The following OSBPL3 variants were observed in gnomAD, a reference collection of about 807,000 sequenced individuals.
OSBPL3 encodes the protein oxysterol binding protein like 3.
Under a neutral mutation model 120.1 loss-of-function variants are expected in OSBPL3, and 65 were observed. That is an observed-to-expected ratio of 0.54 (90% CI 0.44 to 0.67). The LOEUF is 0.67. OSBPL3 is among the 30% of genes least tolerant of loss of function. The pLI is 0.00. For synonymous variants in OSBPL3, 416 were observed against 402.6 expected (o/e 1.03, Z -0.40); for missense variants, 1,004 against 1,082.1 (o/e 0.93, Z 1.01).
rs1003694172 is a variant in OSBPL3 at position 24,820,625 on chromosome 7, T to C, written c.1885-387A>G. On this transcript the variant is annotated intron_variant, in intron 16 of 22. Coordinates refer to ENST00000313367, the MANE Select transcript of OSBPL3 (RefSeq NM_015550.4). This position sits in a 1 kb window ranked among gnomAD's most constrained non-coding sequence, Gnocchi z 4.6. ...CAATGTCAACATCTCTTATTAGCTG[T>C]TCTGAAAGTAGCTGCAGATGTTTTA... Among the ~76,000 whole-genome samples the C allele has an allele frequency of 6.6e-6, 1 of 152,230 alleles. No individual in the cohort carries two copies. Among genetic ancestry groups the C allele is most frequent in the African/African-American group, 2.4e-5 (1 of 41,466 alleles).
chr7:24,865,216 C>T, intron 7 of OSBPL3, 126 bp downstream of exon 7: 1 of 1,011,604 alleles, frequency 9.9e-7, no homozygotes, highest in Non-Finnish European at 1.5e-6. Context: ...GCAACCTTTA[C>T]AAGCAAAATA....
At chr7:24,814,338 G>A (rs1226248142) in intron 19 of OSBPL3, among the ~76,000 whole-genome samples, 1 of 152,086 alleles carries the variant, frequency 6.6e-6, no homozygotes, top group Non-Finnish European at 1.5e-5. Context: ...GTGAAAGGGT[G>A]GAGATGGGGA....
In OSBPL3 at chr7:24,952,274, A is replaced by G. The variant is rs1408880591; in HGVS notation, c.-150+27612T>C. Among the ~76,000 whole-genome samples the G allele has an allele frequency of 6.6e-6, 1 of 152,224 alleles. No individual in the cohort carries two copies. The highest frequency in any genetic ancestry group is 1.5e-5 in the Non-Finnish European group (1 of 68,040). ...CTAAACAGAATTAAGAAAAAAAATT[A>G]AGAAGCTAAGCACAACATAAATAGT... is the stretch of plus-strand genomic sequence containing the variant. On this transcript the variant is annotated intron_variant, in intron 1 of 22. Transcript: ENST00000313367. The surrounding 1 kb of genome is among the most constrained non-coding windows in gnomAD (Gnocchi z 4.4).
intron 1 of OSBPL3, among the ~76,000 whole-genome samples, chr7:24,979,600 C>T (rs1388224325): frequency 1.3e-5 from 2 of 152,092 alleles, no homozygotes; most frequent in Admixed American, 6.5e-5. Flanking sequence ...TGCGCCGCGG[C>T]CCCTGCGCTC....
Position 24,964,733 on chromosome 7 carries a change from G to T in OSBPL3, c.-150+15153C>A, listed in dbSNP as rs1563017822. On this transcript the variant is annotated intron_variant, in intron 1 of 22. Coordinates refer to ENST00000313367, the MANE Select transcript of OSBPL3 (RefSeq NM_015550.4). This position sits in a 1 kb window ranked among gnomAD's most constrained non-coding sequence, Gnocchi z 4.2. ...GCAACAGTACTGGTCTATTAATTGT[G>T]ACAAAAGTATACTAAGGTAAGATAT... Among the ~76,000 whole-genome samples the T allele has an allele frequency of 6.6e-6, 1 of 152,190 alleles. No individual in the cohort carries two copies. Among genetic ancestry groups the T allele is most frequent in the East Asian group, 1.9e-4 (1 of 5,202 alleles).
intron 1 of OSBPL3, among the ~76,000 whole-genome samples, chr7:24,976,594 A>G (rs1563029897): frequency 6.6e-6 from 1 of 152,200 alleles, no homozygotes; most frequent in African/African-American, 2.4e-5. Context: ...GTGTAAATTT[A>G]GACAGGAAAG....
chr7:24,810,059 T>A, intron 19 of OSBPL3, 108 bp from the exon 20 acceptor site: 1 of 1,158,724 alleles, frequency 8.6e-7, no homozygotes, highest in Non-Finnish European at 1.2e-6. Flanking sequence ...AGTGGCTCCA[T>A]ACTGCATATT....
intron 1 of OSBPL3, among the ~76,000 whole-genome samples, chr7:24,905,549 G>A (rs1215160171): frequency 6.6e-6 from 1 of 152,150 alleles, no homozygotes; most frequent in Non-Finnish European, 1.5e-5. Context: ...AACTAGTGAA[G>A]AGCTTTTACA....
Position 24,936,301 on chromosome 7 carries a change from T to G in OSBPL3, c.-150+43585A>C, listed in dbSNP as rs1812415781. Among the ~76,000 whole-genome samples the G allele has an allele frequency of 6.6e-6, 1 of 152,174 alleles. No homozygotes were observed. ...TGTTACTTAGGGCTAACTTTTCCTC[T>G]CACAATCCACAAACATGAATACGTT... On this transcript the variant is annotated intron_variant, in intron 1 of 22. Transcript: ENST00000313367. This position sits in a 1 kb window ranked among gnomAD's most constrained non-coding sequence, Gnocchi z 4.2.
chr7:24,939,506 CA>C lies in OSBPL3; in HGVS notation c.-150+40379del, dbSNP rs1353421443. Among the ~76,000 whole-genome samples, 1 of 152,082 alleles carries C rather than the reference CA, an allele frequency of 6.6e-6. No homozygotes were observed. Among genetic ancestry groups the C allele is most frequent in the African/African-American group, 2.4e-5 (1 of 41,414 alleles). On this transcript the variant is annotated intron_variant, in intron 1 of 22. Transcript: ENST00000313367. This position sits in a 1 kb window ranked among gnomAD's most constrained non-coding sequence, Gnocchi z 4.2. ...GGAACTCTAGGGAAAGTTTGGGAAA[CA>C]AAAAGTTAACATGTTGCATGTTTTA...
intron 7 of OSBPL3, among the ~76,000 whole-genome samples, chr7:24,864,724 G>A (rs186870097): frequency 2.0e-5 from 3 of 152,094 alleles, no homozygotes; most frequent in Non-Finnish European, 2.9e-5. Context: ...TCCCAGTCCC[G>A]CTGTGGATCT....
Position 24,835,507 on chromosome 7 carries a change from A to G in OSBPL3, c.1496-771T>C, listed in dbSNP as rs979704819. On this transcript the variant is annotated intron_variant, in intron 14 of 22. Coordinates refer to ENST00000313367, the MANE Select transcript of OSBPL3 (RefSeq NM_015550.4). This position sits in a 1 kb window ranked among gnomAD's most constrained non-coding sequence, Gnocchi z 4.8. ...AGCCATTGTGGAAAGCAGTTTGGCA[A>G]TTTCTCAAAGAACTTAAAACAGAAC... Among the ~76,000 whole-genome samples, 3 of 152,148 alleles carry G rather than the reference A, an allele frequency of 2.0e-5. No individual in the cohort carries two copies. The highest frequency in any genetic ancestry group is 7.2e-5 in the African/African-American group (3 of 41,428).
At position 24,834,321 on chromosome 7, in the gene OSBPL3, C is replaced by G; in HGVS notation, c.1746+165G>C. 1 of 1,463,292 alleles carries G rather than the reference C, an allele frequency of 6.8e-7. No individual in the cohort carries two copies. The highest frequency in any genetic ancestry group is 1.5e-5 in the South Asian group (1 of 66,004). The allele number at this position is 1,463,292 out of a possible 1,614,324, so 90.6% of individuals were successfully genotyped here. A position where few individuals can be genotyped will look rare whatever the true frequency, so the allele number is the denominator to read the frequency against. ...CAAATCCTCACAAGGTGACTGGAAA[C>G]AGCCAGGCGGAGGAAGCCAGACAGC... On this transcript the variant is annotated intron_variant, in intron 15 of 22. Coordinates refer to ENST00000313367, the MANE Select transcript of OSBPL3 (RefSeq NM_015550.4). This position sits in a 1 kb window ranked among gnomAD's most constrained non-coding sequence, Gnocchi z 5.2.
intron 1 of OSBPL3, among the ~76,000 whole-genome samples, chr7:24,958,205 C>A (rs1815299750): frequency 6.6e-6 from 1 of 152,082 alleles, no homozygotes; most frequent in African/African-American, 2.4e-5. Context: ...AAATGAAGAC[C>A]ATTTCTCCAC....
chr7:24,847,490 C>T (rs1383225745), intron 12 of OSBPL3, among the ~76,000 whole-genome samples: 1 of 152,160 alleles, frequency 6.6e-6, no homozygotes, highest in Non-Finnish European at 1.5e-5. Flanking sequence ...AGCATTTCAG[C>T]TTTCAGGTAT....
intron 2 of OSBPL3, among the ~76,000 whole-genome samples, chr7:24,882,592 T>C (rs560664804): frequency 6.6e-6 from 1 of 152,334 alleles, no homozygotes; most frequent in African/African-American, 2.4e-5. Flanking sequence ...TATTTATTTC[T>C]TTTCCTTTGG....
At position 24,867,539 on chromosome 7, in the gene OSBPL3, G is replaced by GT; in HGVS notation, c.382-1303dup. 6.6e-6 allele frequency among the ~76,000 whole-genome samples: 1 copy of GT among 152,114 alleles called. No homozygotes were observed. Among genetic ancestry groups the GT allele is most frequent in the East Asian group, 1.9e-4 (1 of 5,200 alleles). The stretch of plus-strand genomic sequence containing the variant: ...TGCGTGGGTCTCGCAAGATCTGGTG[G>GT]TATTATAAAGTGGTGTTTCCCTGCA... On this transcript the variant is annotated intron_variant, in intron 5 of 22. Coordinates refer to ENST00000313367, the MANE Select transcript of OSBPL3 (RefSeq NM_015550.4). This position sits in a 1 kb window ranked among gnomAD's most constrained non-coding sequence, Gnocchi z 4.5.
At position 24,860,352 on chromosome 7, in the gene OSBPL3, A is replaced by G. The variant is rs181380134; in HGVS notation, c.1027+1261T>C. 2.1e-3 allele frequency among the ~76,000 whole-genome samples: 315 copies of G among 152,310 alleles called. 1 individual carries two copies. The highest frequency in any genetic ancestry group is 7.3e-3 in the African/African-American group (303 of 41,568). On this transcript the variant is annotated intron_variant, in intron 10 of 22. Coordinates refer to ENST00000313367, the MANE Select transcript of OSBPL3 (RefSeq NM_015550.4). ...CCCCACCCAAATCTTATCTTGAATT[A>G]TAGCTCCCATAATTCCCATGTGTTA... is the stretch of plus-strand genomic sequence containing the variant.
intron 2 of OSBPL3, among the ~76,000 whole-genome samples, chr7:24,889,287 G>A (rs1023694377): frequency 6.6e-6 from 1 of 152,192 alleles, no homozygotes; most frequent in African/African-American, 2.4e-5. Flanking sequence ...CTTACATGTG[G>A]AATCTAAAAA....
Sources: allele counts gnomAD v4.1 joint callset (sites outside exome capture counted in the v4.1 genomes callset), GRCh38; gene constraint gnomAD v4.1.1; non-coding constraint Gnocchi (gnomAD v3.1); transcripts MANE v1.5; gene names NCBI Gene and HGNC (gene_info 2026-07-23, HGNC 2026-07-21).